ADGRL3: variants seen among roughly 807,000 people sequenced by gnomAD.
ADGRL3 encodes the protein adhesion G protein-coupled receptor L3.
ADGRL3 carries 62 observed loss-of-function variants against 153.5 expected under a neutral mutation model. The observed-to-expected ratio is 0.40, with a 90% confidence interval of 0.33 to 0.50. The LOEUF (loss-of-function observed/expected upper bound fraction) is 0.50, where lower values mean the gene tolerates loss of function less well. ADGRL3 is among the 20% of genes least tolerant of loss of function. The pLI is 0.47. For missense variants in ADGRL3, 1,641 were observed against 1,859.4 expected (o/e 0.88, Z 2.16); for synonymous variants, 710 against 672.5 (o/e 1.06, Z -0.86).
intron 2 of ADGRL3, among the ~76,000 whole-genome samples, chr4:61,441,239 C>T (rs1232103838): frequency 6.6e-6 from 1 of 152,072 alleles, no homozygotes; most frequent in African/African-American, 2.4e-5. Flanking sequence ...CTAATATGTA[C>T]TTCATATTAT....
intron 1 of ADGRL3, among the ~76,000 whole-genome samples, chr4:61,243,000 A>C (rs907764429): frequency 2.0e-5 from 3 of 152,230 alleles, no homozygotes; most frequent in Non-Finnish European, 4.4e-5. Context: ...GGCAAGTGCC[A>C]TAAGCAGTCT....
intron 8 of ADGRL3, among the ~76,000 whole-genome samples, chr4:61,799,898 A>G (rs2152478233): frequency 6.6e-6 from 1 of 152,214 alleles, no homozygotes; most frequent in Non-Finnish European, 1.5e-5. Flanking sequence ...CCTCACCACA[A>G]TCCTATGAAA....
chr4:61,600,034 G>A (rs1011064950), intron 5 of ADGRL3, among the ~76,000 whole-genome samples: 2 of 152,122 alleles, frequency 1.3e-5, no homozygotes, highest in Non-Finnish European at 2.9e-5. Context: ...AATGGGCGAG[G>A]CGTGGTGGCT....
At chr4:61,550,369 T>C (rs988838582) in intron 4 of ADGRL3, among the ~76,000 whole-genome samples, 3 of 152,092 alleles carry the variant, frequency 2.0e-5, no homozygotes, top group African/African-American at 7.2e-5. Flanking sequence ...AAAGTTGGTA[T>C]GATAAATTAA....
chr4:61,707,086 A>G (rs1488921903), intron 6 of ADGRL3, among the ~76,000 whole-genome samples: 1 of 152,150 alleles, frequency 6.6e-6, no homozygotes, highest in Non-Finnish European at 1.5e-5. Flanking sequence ...AGAAGGGGAA[A>G]GGGAGAGAGA....
chr4:61,401,802 T>C (rs965454145), intron 2 of ADGRL3, among the ~76,000 whole-genome samples: 2 of 152,088 alleles, frequency 1.3e-5, no homozygotes, highest in African/African-American at 4.8e-5. Flanking sequence ...AGTGTTTCTC[T>C]AGTAATAGGT....
intron 9 of ADGRL3, among the ~76,000 whole-genome samples, chr4:61,851,980 A>G (rs2098209948): frequency 6.6e-6 from 1 of 152,142 alleles, no homozygotes; most frequent in South Asian, 2.1e-4. Context: ...ACGGAGAAAA[A>G]AGTGTCATAG....
intron 5 of ADGRL3, among the ~76,000 whole-genome samples, chr4:61,658,639 C>T: frequency 6.6e-6 from 1 of 152,136 alleles, no homozygotes; most frequent in East Asian, 1.9e-4. Flanking sequence ...TCAACCTTTT[C>T]TCTTCTCAGC....
chr4:61,358,460 G>A (rs12499859), intron 1 of ADGRL3, among the ~76,000 whole-genome samples: 71,585 of 151,280 alleles, frequency 0.47, 18,762 homozygotes, highest in East Asian at 0.69. Flanking sequence ...AGCCGGGCGT[G>A]GTGGCGGGCG....
At chr4:61,247,770 C>G (rs1251149393) in intron 1 of ADGRL3, among the ~76,000 whole-genome samples, 1 of 151,842 alleles carries the variant, frequency 6.6e-6, no homozygotes, top group African/African-American at 2.4e-5. Flanking sequence ...ATTTTCCTTT[C>G]TTAGATATTA....
intron 8 of ADGRL3, among the ~76,000 whole-genome samples, chr4:61,785,523 A>G (rs1043268293): frequency 2.0e-5 from 3 of 152,196 alleles, no homozygotes; most frequent in Admixed American, 6.5e-5. Flanking sequence ...AGTAAATCCA[A>G]TGTTAAGGCA....
At chr4:62,022,311 T>C (rs1048219916) in intron 21 of ADGRL3, among the ~76,000 whole-genome samples, 2 of 152,082 alleles carry the variant, frequency 1.3e-5, no homozygotes, top group African/African-American at 4.8e-5. Flanking sequence ...AAAAGTTTGT[T>C]TGAAGGTAGC....
intron 19 of ADGRL3, among the ~76,000 whole-genome samples, chr4:61,986,910 C>T (rs1005868098): frequency 5.3e-5 from 8 of 152,034 alleles, no homozygotes; most frequent in Non-Finnish European, 8.8e-5. Flanking sequence ...GAAAAGAGAA[C>T]CAGTACTGAG....
At position 61,678,212 on chromosome 4, in the gene ADGRL3, C is replaced by T. The variant is rs527254107; in HGVS notation, c.583+1277C>T. Among the ~76,000 whole-genome samples the T allele has an allele frequency of 1.7e-4, 26 of 151,882 alleles. 1 individual carries two copies. Among genetic ancestry groups the T allele is most frequent in the Non-Finnish European group, 3.1e-4 (21 of 67,938 alleles). On this transcript the variant is annotated intron_variant, in intron 6 of 26. Coordinates refer to ENST00000683033, the MANE Select transcript of ADGRL3 (RefSeq NM_001387552.1). ...CCATCCTGGAATTGGGACAATTATACTTGGGTTGCATAATAAGACCTTTGT... is the reference window on the plus strand; with the variant it reads ...CCATCCTGGAATTGGGACAATTATATTTGGGTTGCATAATAAGACCTTTGT...
At chr4:61,580,286 A>G (rs1342963035) in intron 4 of ADGRL3, among the ~76,000 whole-genome samples, 1 of 151,932 alleles carries the variant, frequency 6.6e-6, no homozygotes, top group African/African-American at 2.4e-5. Flanking sequence ...TTTTTTTCAT[A>G]TGATCAGTGA....
chr4:61,873,164 A>G lies in ADGRL3; in HGVS notation c.1481-19492A>G, dbSNP rs145537062. ...TTAGTGATCATCAAATGGAGTGTCA[A>G]TGAAGCCAGAAGTTTCATTCTCAGA... is the stretch of plus-strand genomic sequence containing the variant. On this transcript the variant is annotated intron_variant, in intron 9 of 26. Transcript: ENST00000683033. 3.5e-3 allele frequency among the ~76,000 whole-genome samples: 526 copies of G among 152,340 alleles called. 3 individuals are homozygous for G. Among genetic ancestry groups the G allele is most frequent in the Non-Finnish European group, 5.0e-3 (339 of 68,034 alleles).
intron 9 of ADGRL3, among the ~76,000 whole-genome samples, chr4:61,871,380 T>C (rs1393730357): frequency 6.6e-6 from 1 of 152,124 alleles, no homozygotes; most frequent in Admixed American, 6.6e-5. Flanking sequence ...ATTAATGGAA[T>C]ATTATTGTGT....
At chr4:61,356,498 T>A (rs1013309186) in intron 1 of ADGRL3, among the ~76,000 whole-genome samples, 12 of 152,122 alleles carry the variant, frequency 7.9e-5, no homozygotes, top group African/African-American at 2.9e-4. Context: ...AACAGCTTTA[T>A]TAATTTCCAT....
intron 23 of ADGRL3, 31 bp downstream of exon 23, chr4:62,031,641 A>G: frequency 6.7e-7 from 1 of 1,501,724 alleles, no homozygotes; most frequent in Non-Finnish European, 9.2e-7. Context: ...TAAAATAAAA[A>G]TGGCATACAT....
Sources: gnomAD v4.1 joint callset for allele counts (sites outside exome capture counted in the v4.1 genomes callset) on GRCh38, gnomAD v4.1.1 for gene constraint, MANE v1.5 for transcripts, NCBI Gene and HGNC (gene_info 2026-07-23, HGNC 2026-07-21) for gene names.